The following CCDC91 variants were observed in gnomAD, a reference collection of about 807,000 sequenced individuals.
CCDC91 encodes the protein coiled-coil domain containing 91, also known as coiled-coil domain-containing protein 91.
Under a neutral mutation model 63.2 loss-of-function variants are expected in CCDC91, and 48 were observed. That is an observed-to-expected ratio of 0.76 (90% CI 0.60 to 0.97). The LOEUF (loss-of-function observed/expected upper bound fraction) is 0.97, where lower values mean the gene tolerates loss of function less well. Ranked by LOEUF, CCDC91 falls within the 50% of genes least tolerant of loss-of-function variation. The pLI, the probability that CCDC91 is intolerant of heterozygous loss-of-function variation, is 0.00. For synonymous variants in CCDC91, 167 were observed against 165.8 expected (o/e 1.01, Z -0.06); for missense variants, 500 against 494.6 (o/e 1.01, Z -0.10).
At chr12:28,302,650 A>G (rs1345030164) in intron 3 of CCDC91, 1 of 984,480 alleles carries the variant, frequency 1.0e-6, no homozygotes, top group Non-Finnish European at 1.2e-6. Flanking sequence ...GTGTGACTGG[A>G]GTGAAGTTAG....
rs551640411 is a variant in CCDC91 at position 28,473,376 on chromosome 12, T to C, written c.1102-10676T>C. 1.1e-4 allele frequency among the ~76,000 whole-genome samples: 17 copies of C among 152,310 alleles called. No homozygotes were observed. The South Asian group carries it at 3.5e-3, about 32-fold the overall frequency. On this transcript the variant is annotated intron_variant, in intron 11 of 12. Coordinates refer to ENST00000536442, the MANE Select transcript of CCDC91 (RefSeq NM_018318.5). Reference sequence around the variant, plus strand: ...GAAGTTCACTCTTAGCAGTATTCATTCAGTAATACATGGTGAATTCAGATA... The same window carrying C: ...GAAGTTCACTCTTAGCAGTATTCATCCAGTAATACATGGTGAATTCAGATA...
At chr12:28,221,411 A>C (rs937581101) in intron 1 of CCDC91, among the ~76,000 whole-genome samples, 10 of 152,042 alleles carry the variant, frequency 6.6e-5, no homozygotes, top group African/African-American at 2.4e-4. Flanking sequence ...TATGCGTTAT[A>C]GTTTTCTGAT....
At chr12:28,359,057 A>T (rs539276731) in intron 6 of CCDC91, among the ~76,000 whole-genome samples, 1 of 152,052 alleles carries the variant, frequency 6.6e-6, no homozygotes, top group East Asian at 1.9e-4. Context: ...CACCACGCCC[A>T]GCTAATTTTT....
chr12:28,454,799 G>T (rs1949984850), intron 11 of CCDC91, among the ~76,000 whole-genome samples: 1 of 152,082 alleles, frequency 6.6e-6, no homozygotes, highest in Non-Finnish European at 1.5e-5. Flanking sequence ...CTGTACTGGG[G>T]ATAGGGATTG....
intron 1 of CCDC91, among the ~76,000 whole-genome samples, chr12:28,252,414 C>T (rs1224332310): frequency 3.9e-5 from 6 of 151,942 alleles, no homozygotes; most frequent in African/African-American, 9.7e-5. Context: ...TTAGATATTA[C>T]GTATCCTAGG....
chr12:28,517,236 C>T (rs531621038), intron 12 of CCDC91, among the ~76,000 whole-genome samples: 2 of 151,986 alleles, frequency 1.3e-5, no homozygotes, highest in African/African-American at 4.8e-5. Flanking sequence ...TTTAGTTTGG[C>T]ATCTGTTGCA....
intron 8 of CCDC91, among the ~76,000 whole-genome samples, chr12:28,427,703 T>C (rs1948402331): frequency 6.6e-6 from 1 of 152,214 alleles, no homozygotes; most frequent in African/African-American, 2.4e-5. Flanking sequence ...GAAGTGGCAG[T>C]TTGGCTGTGA....
chr12:28,378,305 C>T (rs1945073701), intron 7 of CCDC91, among the ~76,000 whole-genome samples: 1 of 152,092 alleles, frequency 6.6e-6, no homozygotes, highest in South Asian at 2.1e-4. Flanking sequence ...AAATATGTCA[C>T]ATGCCAGCTT....
At chr12:28,213,215 T>A (rs1284532911) in intron 1 of CCDC91, among the ~76,000 whole-genome samples, 2 of 152,190 alleles carry the variant, frequency 1.3e-5, no homozygotes, top group Admixed American at 6.5e-5. Flanking sequence ...GTAATGGCTT[T>A]CCCTGAGGAA....
intron 8 of CCDC91, among the ~76,000 whole-genome samples, chr12:28,395,203 C>T (rs1396317478): frequency 6.6e-6 from 1 of 152,210 alleles, no homozygotes; most frequent in Non-Finnish European, 1.5e-5. Context: ...TTTTCTTCCT[C>T]TGTACTGTTT....
chr12:28,353,936 C>T (rs929162510), intron 6 of CCDC91, among the ~76,000 whole-genome samples: 13 of 152,054 alleles, frequency 8.5e-5, no homozygotes, highest in South Asian at 2.1e-4. Context: ...GGAAAAACAA[C>T]GAATGGGTAG....
chr12:28,343,773 CT>C (rs2138054424), intron 6 of CCDC91, among the ~76,000 whole-genome samples: 1 of 152,222 alleles, frequency 6.6e-6, no homozygotes, highest in East Asian at 1.9e-4. Context: ...AACGACTTCT[CT>C]AGAAATAATG....
chr12:28,256,292 A>T (rs1260083072), intron 1 of CCDC91, among the ~76,000 whole-genome samples: 2 of 152,146 alleles, frequency 1.3e-5, no homozygotes, highest in Non-Finnish European at 2.9e-5. Flanking sequence ...TAGATTCACA[A>T]TTACAGGTTC....
chr12:28,267,940 AT>A (rs1350000343), intron 3 of CCDC91, among the ~76,000 whole-genome samples: 34 of 105,182 alleles, frequency 3.2e-4, no homozygotes, highest in South Asian at 4.8e-4. Flanking sequence ...ATATAATTAT[AT>A]ATAATTATTA....
At chr12:28,302,871 A>C (rs78083876) in intron 3 of CCDC91, 7,936 of 152,638 alleles carry the variant, frequency 0.052, 248 homozygotes, top group South Asian at 0.13. Context: ...ATTGGGTATC[A>C]TTAGCTTAGA....
At chr12:28,457,637 G>A (rs11049622) in intron 11 of CCDC91, among the ~76,000 whole-genome samples, 31,542 of 151,280 alleles carry the variant, frequency 0.21, 4,316 homozygotes, top group Non-Finnish European at 0.31. Flanking sequence ...ACAGAAAACC[G>A]AGTACCTAAG....
chr12:28,361,615 C>T (rs936280771), intron 6 of CCDC91, among the ~76,000 whole-genome samples: 21 of 151,280 alleles, frequency 1.4e-4, no homozygotes, highest in South Asian at 1.0e-3. Flanking sequence ...ATTCTGTTTC[C>T]GGCTCTCTTT....
chr12:28,544,158 C>G (rs1942825618), intron 12 of CCDC91, among the ~76,000 whole-genome samples: 1 of 151,886 alleles, frequency 6.6e-6, no homozygotes, highest in Non-Finnish European at 1.5e-5. Context: ...CCTTTATGCT[C>G]TGGCCTCCAT....
intron 1 of CCDC91, among the ~76,000 whole-genome samples, chr12:28,212,708 G>GT (rs1943313791): frequency 6.6e-6 from 1 of 152,164 alleles, no homozygotes; most frequent in South Asian, 2.1e-4. Flanking sequence ...GAACAAGTCC[G>GT]TTTTTTATTA....
Sources: gnomAD v4.1 joint callset for allele counts (sites outside exome capture counted in the v4.1 genomes callset) on GRCh38, gnomAD v4.1.1 for gene constraint, MANE v1.5 for transcripts, NCBI Gene and HGNC (gene_info 2026-07-23, HGNC 2026-07-21) for gene names.